Variants in ANKRD44 observed in about 807,000 individuals in gnomAD.
The protein encoded by ANKRD44 is ankyrin repeat domain 44, also known as serine/threonine-protein phosphatase 6 regulatory ankyrin repeat subunit B.
ANKRD44 carries 35 observed loss-of-function variants against 116.0 expected under a neutral mutation model. That is an observed-to-expected ratio of 0.30 (90% CI 0.23 to 0.40). The LOEUF is 0.40. Ranked by LOEUF, ANKRD44 falls within the 10% of genes least tolerant of loss-of-function variation. ANKRD44 has a pLI of 1.00. For synonymous variants in ANKRD44, 435 were observed against 461.8 expected (o/e 0.94, Z 0.74); for missense variants, 1,014 against 1,242.6 (o/e 0.82, Z 2.77).
intron 8 of ANKRD44, among the ~76,000 whole-genome samples, chr2:197,113,391 T>C (rs910383822): frequency 6.6e-6 from 1 of 152,256 alleles, no homozygotes; most frequent in Non-Finnish European, 1.5e-5. Context: ...GGAGTTGGCA[T>C]TAACTTGTCC....
In ANKRD44 at chr2:197,106,807, T is replaced by TATATATA. The variant is rs1553509477; in HGVS notation, c.985+3958_985+3959insTATATAT. Among the ~76,000 whole-genome samples the TATATATA allele has an allele frequency of 3.7e-3, 399 of 107,298 alleles. 4 individuals carry two copies. Among genetic ancestry groups the TATATATA allele is most frequent in the African/African-American group, 0.013 (379 of 29,582 alleles). The allele number at this position is 107,298 out of a possible 152,430, so 70.4% of individuals were successfully genotyped here. On this transcript the variant is annotated intron_variant, in intron 9 of 27. Transcript: ENST00000282272. Reference sequence around the variant, plus strand: ...TCCGTCTCAAATATATATATATATATTTTTTTTTTTTTTTCAGGAAAACAT... The same window carrying TATATATA: ...TCCGTCTCAAATATATATATATATATATATATATTTTTTTTTTTTTTCAGGAAAACAT...
chr2:196,975,613 GTTTT>G (rs34870683), intron 21 of ANKRD44, among the ~76,000 whole-genome samples: 2 of 144,780 alleles, frequency 1.4e-5, no homozygotes, highest in South Asian at 2.1e-4. Context: ...GTGTCACACT[GTTTT>G]TTTTTTTTAA....
chr2:197,083,387 G>T lies in ANKRD44; in HGVS notation c.1439C>A (p.Ala480Glu). Residue 480 changes from alanine to glutamate, a missense_variant, in exon 14 of 28, where the codon GCA becomes GAA. Physicochemically the swap from Ala to Glu is moderately radical, Grantham distance 107. Transcript: ENST00000282272. ...WGRTALHYAA[A>E]SDMDRNKTIL... ...TTTTTACTTTCTATCCATGTCTGATGCAGCGGCGTAATGCAAAGCTGTGCG... is the reference window on the plus strand; with the variant it reads ...TTTTTACTTTCTATCCATGTCTGATTCAGCGGCGTAATGCAAAGCTGTGCG... 1 of 1,613,090 alleles carries T rather than the reference G, an allele frequency of 6.2e-7. No individual in the cohort carries two copies. The highest frequency in any genetic ancestry group is 8.5e-7 in the Non-Finnish European group (1 of 1,179,646).
At chr2:197,279,105 G>A (rs2083190149) in intron 1 of ANKRD44, among the ~76,000 whole-genome samples, 2 of 152,174 alleles carry the variant, frequency 1.3e-5, no homozygotes, top group African/African-American at 2.4e-5. Flanking sequence ...GCTTAGCAGT[G>A]CTGTATTTAA....
chr2:197,006,813 A>G lies in ANKRD44; in HGVS notation c.2131-903T>C, dbSNP rs372477222. On this transcript the variant is annotated intron_variant, in intron 20 of 27. Coordinates refer to ENST00000282272, the MANE Select transcript of ANKRD44 (RefSeq NM_001195144.2). ...ACTTAGTTTATTTGGCATGCTTTAA[A>G]AAACAGTTCAGAGGGTGCAAGTGGC... Among the ~76,000 whole-genome samples, 390 of 152,276 alleles carry G rather than the reference A, an allele frequency of 2.6e-3. 3 individuals are homozygous for G. Among genetic ancestry groups the G allele is most frequent in the South Asian group, 0.018 (89 of 4,816 alleles).
intron 16 of ANKRD44, among the ~76,000 whole-genome samples, chr2:197,067,195 A>G (rs1574390013): frequency 1.3e-5 from 2 of 152,266 alleles, no homozygotes; most frequent in South Asian, 4.1e-4. Context: ...AGGATTCCCT[A>G]TTTAATAAAT....
At chr2:196,980,409 T>C (rs2075792393) in intron 21 of ANKRD44, among the ~76,000 whole-genome samples, 1 of 152,192 alleles carries the variant, frequency 6.6e-6, no homozygotes, top group Non-Finnish European at 1.5e-5. Context: ...GGATAAATCA[T>C]TTCTGAAAAA....
chr2:197,131,030 TTC>T (rs1270355671), intron 4 of ANKRD44, among the ~76,000 whole-genome samples: 1 of 152,170 alleles, frequency 6.6e-6, no homozygotes, highest in African/African-American at 2.4e-5. Context: ...TTCCTCCACT[TTC>T]TGGCTGTGAC....
chr2:197,075,810 A>G (rs76850283), intron 16 of ANKRD44, among the ~76,000 whole-genome samples: 1 of 152,328 alleles, frequency 6.6e-6, no homozygotes, highest in East Asian at 1.9e-4. Context: ...GCCACAAACC[A>G]TGAATGCCAA....
At chr2:197,255,151 TG>T (rs2082415444) in intron 1 of ANKRD44, among the ~76,000 whole-genome samples, 1 of 152,122 alleles carries the variant, frequency 6.6e-6, no homozygotes, top group African/African-American at 2.4e-5. Context: ...TCCAAGAAGT[TG>T]GAAAGGCGGT....
At chr2:197,235,868 G>A (rs1301472413) in intron 1 of ANKRD44, among the ~76,000 whole-genome samples, 2 of 152,110 alleles carry the variant, frequency 1.3e-5, no homozygotes, top group Non-Finnish European at 2.9e-5. Context: ...GTAAATTAAG[G>A]GAAGTAATAG....
intron 16 of ANKRD44, among the ~76,000 whole-genome samples, chr2:197,053,069 G>A (rs150952355): frequency 2.5e-3 from 387 of 152,284 alleles, no homozygotes; most frequent in African/African-American, 8.8e-3. Flanking sequence ...TACTCAGGAG[G>A]CTGAGGCAGG....
rs558116076 is a variant in ANKRD44 at position 197,136,674 on chromosome 2, C to T, written c.191-12G>A. On this transcript the variant is annotated splice_polypyrimidine_tract_variant and intron_variant, in intron 3 of 27. Transcript: ENST00000282272. ...ATTTACACGAGCTCCTGGAATCAAA[C>T]AGCACAAGTTAGAGGCATAATGGGG... 12 of 1,613,828 alleles carry T rather than the reference C, an allele frequency of 7.4e-6. No individual in the cohort carries two copies. The South Asian group carries it at 1.3e-4, about 18-fold the overall frequency.
At chr2:197,208,628 G>A (rs375539465) in intron 1 of ANKRD44, among the ~76,000 whole-genome samples, 5 of 151,912 alleles carry the variant, frequency 3.3e-5, no homozygotes, top group South Asian at 4.1e-4. Flanking sequence ...GTGAAACCCC[G>A]TCTCTACTAA....
chr2:197,113,176 C>G (rs898793187), intron 8 of ANKRD44, among the ~76,000 whole-genome samples: 2 of 152,086 alleles, frequency 1.3e-5, no homozygotes, highest in East Asian at 1.9e-4. Context: ...GATACAAAAC[C>G]ATCGCTGACC....
In ANKRD44 at chr2:197,255,391, A is replaced by G. The variant is rs1021252257; in HGVS notation, c.27+55187T>C. 3.9e-5 allele frequency among the ~76,000 whole-genome samples: 6 copies of G among 152,370 alleles called. No homozygotes were observed. The South Asian group carries it at 1.2e-3, about 32-fold the overall frequency. ...CAAAAAAAGGCAGGCACAATAGAGC[A>G]GCCTGGGGCCTTATTCACCAAGAGA... On this transcript the variant is annotated intron_variant, in intron 1 of 27. Transcript: ENST00000282272.
intron 4 of ANKRD44, among the ~76,000 whole-genome samples, chr2:197,126,361 C>T (rs1014016889): frequency 2.6e-5 from 4 of 152,178 alleles, no homozygotes; most frequent in Non-Finnish European, 5.9e-5. Flanking sequence ...AGTGTGCATA[C>T]CAGGGTAAAA....
intron 2 of ANKRD44, among the ~76,000 whole-genome samples, chr2:197,152,528 A>C (rs780571908): frequency 1.3e-5 from 2 of 152,216 alleles, no homozygotes; most frequent in Non-Finnish European, 2.9e-5. Flanking sequence ...CCAAAGATAC[A>C]CACAGCCAGC....
At chr2:197,270,458 C>T (rs1194603074) in intron 1 of ANKRD44, among the ~76,000 whole-genome samples, 1 of 152,022 alleles carries the variant, frequency 6.6e-6, no homozygotes, top group African/African-American at 2.4e-5. Flanking sequence ...TGGCACCAAG[C>T]AAAGTGACAA....
Sources: gnomAD v4.1 joint callset for allele counts (sites outside exome capture counted in the v4.1 genomes callset) on GRCh38, gnomAD v4.1.1 for gene constraint, MANE v1.5 for transcripts, NCBI Gene and HGNC (gene_info 2026-07-23, HGNC 2026-07-21) for gene names.